TMEM131L: variants seen among roughly 807,000 people sequenced by gnomAD.
TMEM131L encodes the protein transmembrane protein 131-like.
Under a neutral mutation model 192.2 loss-of-function variants are expected in TMEM131L, and 54 were observed. The observed-to-expected ratio is 0.28, with a 90% CI of 0.23 to 0.35. The LOEUF (loss-of-function observed/expected upper bound fraction) is 0.35, where lower values mean the gene tolerates loss of function less well. Ranked by LOEUF, TMEM131L falls within the 10% of genes least tolerant of loss-of-function variation. The pLI is 1.00. For missense variants in TMEM131L, 1,888 were observed against 1,972.9 expected (o/e 0.96, Z 0.82); for synonymous variants, 701 against 704.9 (o/e 0.99, Z 0.09).
intron 13 of TMEM131L, 67 bp from the exon 14 acceptor site, chr4:153,586,142 C>T: frequency 8.5e-7 from 1 of 1,169,630 alleles, no homozygotes; most frequent in Non-Finnish European, 1.2e-6. Flanking sequence ...TAGCATCATA[C>T]TTTATAATGA....
At chr4:153,583,784 G>A (rs181049322) in intron 11 of TMEM131L, 112 bp downstream of exon 11, 30 of 663,550 alleles carry the variant, frequency 4.5e-5, no homozygotes, top group Admixed American at 2.5e-4. Context: ...AAGGGAATGC[G>A]TTTGATTTCA....
At position 153,555,748 on chromosome 4, in the gene TMEM131L, A is replaced by G; in HGVS notation, c.309-39A>G. The G allele has an allele frequency of 6.5e-7, 1 of 1,532,612 alleles. No homozygotes were observed. The highest frequency in any genetic ancestry group is 1.2e-5 in the South Asian group (1 of 83,426). The allele number at this position is 1,532,612 out of a possible 1,614,324, so 94.9% of individuals were successfully genotyped here. A position where few individuals can be genotyped will look rare whatever the true frequency, so the allele number is the denominator to read the frequency against. On this transcript the variant is annotated intron_variant, in intron 4 of 34. Coordinates refer to ENST00000409959, the MANE Select transcript of TMEM131L (RefSeq NM_001131007.2). This position sits in a 1 kb window ranked among gnomAD's most constrained non-coding sequence, Gnocchi z 4.1. ...TATATGTATGGTAATATTTATAACCACACAATACATTGATTTTTCTCTTTG... is the reference window on the plus strand; with the variant it reads ...TATATGTATGGTAATATTTATAACCGCACAATACATTGATTTTTCTCTTTG...
At chr4:153,534,318 G>A (rs1032585550) in intron 3 of TMEM131L, among the ~76,000 whole-genome samples, 5 of 152,164 alleles carry the variant, frequency 3.3e-5, no homozygotes, top group South Asian at 2.1e-4. Context: ...GGAAACAACC[G>A]GTCAAGGGAA....
chr4:153,551,677 C>G (rs913703018), intron 4 of TMEM131L, among the ~76,000 whole-genome samples: 2 of 151,740 alleles, frequency 1.3e-5, no homozygotes, highest in African/African-American at 4.8e-5. Flanking sequence ...TTTAAAAGGA[C>G]CATGTTGAGC....
intron 2 of TMEM131L, among the ~76,000 whole-genome samples, chr4:153,470,518 T>C (rs1174248242): frequency 6.6e-6 from 1 of 152,242 alleles, no homozygotes; most frequent in Non-Finnish European, 1.5e-5. Flanking sequence ...ATGGTGATCA[T>C]GAGAGGAAGG....
intron 3 of TMEM131L, among the ~76,000 whole-genome samples, chr4:153,475,095 A>G (rs1435326433): frequency 4.6e-5 from 7 of 152,218 alleles, no homozygotes; most frequent in Admixed American, 2.6e-4. Context: ...AGAAAGCTGT[A>G]TCTTCCACCC....
intron 12 of TMEM131L, 106 bp downstream of exon 12, chr4:153,585,037 C>T: frequency 1.1e-6 from 1 of 895,532 alleles, no homozygotes; most frequent in East Asian, 2.6e-5. Context: ...GATTCTCTCT[C>T]TCACTGGCCT....
chr4:153,576,356 T>G (rs1392217898), intron 7 of TMEM131L, among the ~76,000 whole-genome samples: 1 of 152,116 alleles, frequency 6.6e-6, no homozygotes, highest in Non-Finnish European at 1.5e-5. Context: ...GTGCTAGAAC[T>G]CCCCCTTGTG....
chr4:153,573,810 A>G (rs1242050971), intron 7 of TMEM131L, among the ~76,000 whole-genome samples: 1 of 152,212 alleles, frequency 6.6e-6, no homozygotes, highest in Non-Finnish European at 1.5e-5. Context: ...TTAGAAACCA[A>G]AGGAGTGTGG....
rs769853725 is a variant in TMEM131L at position 153,598,574 on chromosome 4, T to C, written c.2124-16T>C. 1.9e-6 allele frequency: 3 copies of C among 1,608,092 alleles called. No homozygotes were observed. The highest frequency in any genetic ancestry group is 1.1e-5 in the South Asian group (1 of 90,786). On this transcript the variant is annotated splice_polypyrimidine_tract_variant and intron_variant, in intron 20 of 34. Transcript: ENST00000409959. ...TCCATGTAATGCCTTTTTATATCTA[T>C]TTCCTTTCACTACAGGAATAACTTG...
At chr4:153,504,860 A>G (rs1351840244) in intron 3 of TMEM131L, among the ~76,000 whole-genome samples, 4 of 152,170 alleles carry the variant, frequency 2.6e-5, no homozygotes, top group Non-Finnish European at 5.9e-5. Flanking sequence ...TCAAGGATGG[A>G]TGCATTCACT....
intron 21 of TMEM131L, 115 bp from the exon 22 acceptor site, chr4:153,602,037 A>G (rs1731873887): frequency 1.6e-6 from 1 of 610,644 alleles, no homozygotes; most frequent in Admixed American, 3.7e-5. Flanking sequence ...TTTTTTTCGC[A>G]TTTTAGTAAT....
intron 21 of TMEM131L, among the ~76,000 whole-genome samples, chr4:153,598,969 A>G (rs1369614733): frequency 6.6e-6 from 1 of 152,220 alleles, no homozygotes; most frequent in Non-Finnish European, 1.5e-5. Flanking sequence ...GATAATAGAC[A>G]TAAGTTAGAT....
chr4:153,517,347 G>A (rs538128409), intron 3 of TMEM131L, among the ~76,000 whole-genome samples: 17 of 152,246 alleles, frequency 1.1e-4, no homozygotes, highest in Middle Eastern at 3.4e-3. Flanking sequence ...AACTGCACAG[G>A]CACAGACATG....
chr4:153,579,401 T>C (rs1021074902), intron 7 of TMEM131L, among the ~76,000 whole-genome samples: 11 of 152,238 alleles, frequency 7.2e-5, no homozygotes, highest in Non-Finnish European at 1.2e-4. Context: ...TATTTAAGAA[T>C]ACTAGCAGAT....
At chr4:153,511,772 G>GTCT (rs1178119534) in intron 3 of TMEM131L, among the ~76,000 whole-genome samples, 1 of 152,122 alleles carries the variant, frequency 6.6e-6, no homozygotes, top group African/African-American at 2.4e-5. Context: ...ATAAGTAATA[G>GTCT]TCTTCTACAG....
chr4:153,595,916 A>T (rs1401609561), intron 19 of TMEM131L, among the ~76,000 whole-genome samples: 1 of 152,192 alleles, frequency 6.6e-6, no homozygotes, highest in Non-Finnish European at 1.5e-5. Flanking sequence ...CTAGCATTCA[A>T]GCAGAGGCTG....
chr4:153,492,009 T>C (rs574515792), intron 3 of TMEM131L, among the ~76,000 whole-genome samples: 2 of 152,214 alleles, frequency 1.3e-5, no homozygotes, highest in South Asian at 2.1e-4. Flanking sequence ...AGTTTTTTCC[T>C]TCTTGTTTTG....
At chr4:153,605,257 C>G (rs559512932) in intron 25 of TMEM131L, among the ~76,000 whole-genome samples, 1 of 152,318 alleles carries the variant, frequency 6.6e-6, no homozygotes, top group Admixed American at 6.5e-5. Context: ...TTGTCATTAT[C>G]CTTTAATAGA....
Sources: allele counts gnomAD v4.1 joint callset (sites outside exome capture counted in the v4.1 genomes callset), GRCh38; gene constraint gnomAD v4.1.1; non-coding constraint Gnocchi (gnomAD v3.1); transcripts MANE v1.5; gene names NCBI Gene and HGNC (gene_info 2026-07-23, HGNC 2026-07-21).